Variants in PRKCE observed in about 807,000 individuals in gnomAD.
PRKCE encodes the protein protein kinase C epsilon type.
Under a neutral mutation model 85.4 loss-of-function variants are expected in PRKCE, and 16 were observed. The observed-to-expected ratio is 0.19, with a 90% CI of 0.13 to 0.28. The LOEUF is 0.28. Among genes scored for constraint, PRKCE ranks in the 10% least tolerant of loss-of-function variants. The pLI is 1.00. For synonymous variants in PRKCE, 388 were observed against 371.5 expected, an observed-to-expected ratio of 1.04 and a Z score of -0.51; for missense variants, 573 against 975.2, an observed-to-expected ratio of 0.59 and a Z score of 5.49.
At chr2:46,027,814 C>T (rs969671203) in intron 10 of PRKCE, among the ~76,000 whole-genome samples, 11 of 152,178 alleles carry the variant, frequency 7.2e-5, no homozygotes, top group African/African-American at 1.4e-4. Flanking sequence ...AAGAATGAAG[C>T]GTAGTCCCTA....
intron 2 of PRKCE, among the ~76,000 whole-genome samples, chr2:45,901,026 T>A (rs1266504493): frequency 6.6e-6 from 1 of 152,150 alleles, no homozygotes; most frequent in Non-Finnish European, 1.5e-5. Context: ...ATATGTGGGA[T>A]GGAGATGCTT....
At chr2:46,030,585 T>C (rs1707447138) in intron 10 of PRKCE, among the ~76,000 whole-genome samples, 1 of 152,168 alleles carries the variant, frequency 6.6e-6, no homozygotes, top group South Asian at 2.1e-4. Flanking sequence ...TCTGAACAGC[T>C]ATTGCATCTT....
At chr2:45,672,361 T>G (rs1480667930) in intron 1 of PRKCE, among the ~76,000 whole-genome samples, 1 of 152,040 alleles carries the variant, frequency 6.6e-6, no homozygotes, top group Admixed American at 6.6e-5. Flanking sequence ...CATTCATCCA[T>G]TCATTCATCC....
chr2:45,827,241 C>T (rs981235637), intron 1 of PRKCE, among the ~76,000 whole-genome samples: 8 of 152,342 alleles, frequency 5.3e-5, no homozygotes, highest in Admixed American at 6.5e-5. Context: ...CTGGCTTTTT[C>T]GATGATCAGG....
chr2:46,130,318 T>C (rs1674296296), intron 11 of PRKCE, among the ~76,000 whole-genome samples: 1 of 151,934 alleles, frequency 6.6e-6, no homozygotes. Context: ...ATGAATATAC[T>C]ATTACATATA....
intron 2 of PRKCE, among the ~76,000 whole-genome samples, chr2:45,887,254 C>T (rs1695371027): frequency 6.6e-6 from 1 of 152,154 alleles, no homozygotes; most frequent in Admixed American, 6.5e-5. Flanking sequence ...GTCAACCGTG[C>T]AGAAGGCTTC....
At chr2:45,940,217 T>C (rs1029051471) in intron 2 of PRKCE, among the ~76,000 whole-genome samples, 1 of 152,138 alleles carries the variant, frequency 6.6e-6, no homozygotes, top group African/African-American at 2.4e-5. Context: ...CAGCAAGATG[T>C]GTGTCTAGGA....
At chr2:45,809,317 A>T (rs1311155763) in intron 1 of PRKCE, among the ~76,000 whole-genome samples, 2 of 152,112 alleles carry the variant, frequency 1.3e-5, no homozygotes, top group African/African-American at 4.8e-5. Flanking sequence ...CGTCATTCAT[A>T]ACTCTTTTTG....
intron 10 of PRKCE, among the ~76,000 whole-genome samples, chr2:46,034,318 G>A (rs1043452411): frequency 6.6e-6 from 1 of 152,170 alleles, no homozygotes. Context: ...ATTGGGTAAA[G>A]CACTTACCCA....
intron 2 of PRKCE, among the ~76,000 whole-genome samples, chr2:45,893,259 C>T (rs1695869384): frequency 6.6e-6 from 1 of 152,112 alleles, no homozygotes; most frequent in African/African-American, 2.4e-5. Flanking sequence ...TGACTGCAGT[C>T]CGGCAGGGTC....
intron 14 of PRKCE, among the ~76,000 whole-genome samples, chr2:46,171,267 A>G (rs1678867541): frequency 6.6e-6 from 1 of 152,290 alleles, no homozygotes; most frequent in Admixed American, 6.5e-5. Context: ...CATTTTCTAC[A>G]TCGTGTTCTG....
chr2:45,902,741 CA>C (rs1426210531), intron 2 of PRKCE, among the ~76,000 whole-genome samples: 1 of 152,202 alleles, frequency 6.6e-6, no homozygotes, highest in African/African-American at 2.4e-5. Flanking sequence ...TAGAAAGAAA[CA>C]GTAACTCAAG....
intron 10 of PRKCE, among the ~76,000 whole-genome samples, chr2:46,026,287 G>T (rs541515636): frequency 1.8e-4 from 28 of 152,242 alleles, no homozygotes; most frequent in African/African-American, 6.7e-4. Flanking sequence ...CAAAGATTAA[G>T]GTAAAGATGT....
intron 10 of PRKCE, chr2:46,073,448 A>G (rs1379758224): frequency 6.7e-6 from 1 of 150,324 alleles, no homozygotes; most frequent in Non-Finnish European, 1.5e-5. Flanking sequence ...TTCAGTTCAG[A>G]CTGCCAGTCT....
intron 1 of PRKCE, among the ~76,000 whole-genome samples, chr2:45,730,959 C>G (rs1681522621): frequency 6.6e-6 from 1 of 152,042 alleles, no homozygotes; most frequent in South Asian, 2.1e-4. Context: ...CTGGATTTAT[C>G]TAAAAGGAAA....
chr2:46,032,219 G>A (rs562880968), intron 10 of PRKCE, among the ~76,000 whole-genome samples: 4 of 151,582 alleles, frequency 2.6e-5, no homozygotes, highest in African/African-American at 9.7e-5. Flanking sequence ...TTTGCGACAG[G>A]CAGGGTCCTG....
At chr2:45,843,702 G>T (rs910518661) in intron 2 of PRKCE, among the ~76,000 whole-genome samples, 7 of 152,250 alleles carry the variant, frequency 4.6e-5, no homozygotes, top group African/African-American at 1.7e-4. Context: ...GTCAAGGGAA[G>T]AAGGGAAGCC....
chr2:45,962,765 C>A (rs1391172808), intron 2 of PRKCE, among the ~76,000 whole-genome samples: 1 of 152,126 alleles, frequency 6.6e-6, no homozygotes. Flanking sequence ...GAAGTGCCAG[C>A]AGCGGGGGTG....
chr2:45,965,092 A>G (rs6715568), intron 2 of PRKCE, among the ~76,000 whole-genome samples: 14,136 of 152,294 alleles, frequency 0.093, 899 homozygotes, highest in African/African-American at 0.18. Context: ...CTCTCCTCTC[A>G]GACGTTTCTG....
Sources: allele counts gnomAD v4.1 joint callset (sites outside exome capture counted in the v4.1 genomes callset), GRCh38; gene constraint gnomAD v4.1.1; transcripts MANE v1.5; gene names NCBI Gene and HGNC (gene_info 2026-07-23, HGNC 2026-07-21).